Variants in QARS1 observed in about 807,000 individuals in gnomAD.
QARS1 encodes glutaminyl-tRNA synthetase 1.
QARS1 carries 79 observed loss-of-function variants against 106.9 expected under a neutral mutation model. The ratio of observed to expected loss-of-function variants is 0.74; its 90% CI spans 0.62 to 0.89. The LOEUF is 0.89. Ranked by LOEUF, QARS1 falls within the 40% of genes least tolerant of loss-of-function variation. The pLI, the probability that QARS1 is intolerant of heterozygous loss-of-function variation, is 0.00. For missense variants in QARS1, 966 were observed against 997.2 expected, an observed-to-expected ratio of 0.97 and a Z score of 0.42; for synonymous variants, 395 against 367.7, an observed-to-expected ratio of 1.07 and a Z score of -0.85.
intron 17 of QARS1, 35 bp downstream of exon 17, chr3:49,099,309 C>A (rs2042435028): frequency 1.9e-6 from 3 of 1,614,078 alleles, no homozygotes; most frequent in African/African-American, 2.7e-5. Flanking sequence ...CCACACTCAA[C>A]CCCCAATGTA....
chr3:49,100,267 C>T lies in QARS1; in HGVS notation c.1087G>A (p.Glu363Lys). 6.2e-7 allele frequency: 1 copy of T among 1,614,254 alleles called. No homozygotes were observed. Among genetic ancestry groups the T allele is most frequent in the Non-Finnish European group, 8.5e-7 (1 of 1,180,048 alleles). Residue 363 changes from glutamate (E) to lysine (K), a missense_variant, in exon 13 of 24, where the codon GAG (glutamate) becomes AAG (lysine). Coordinates refer to ENST00000306125, the MANE Select transcript of QARS1 (RefSeq NM_005051.3). ...AGAGTATTATGGCCTTTGAGCTCCT[C>T]TCCTCGCTGGTGGCACACATAAGCC... is the stretch of plus-strand genomic sequence containing the variant. Reference protein sequence around the residue: ...GLAYVCHQRGEELKGHNTLPS... With the variant: ...GLAYVCHQRGKELKGHNTLPS...
rs930911319 is a variant in QARS1, at chr3:49,102,280, A to C, written c.571-15T>G. The stretch of plus-strand genomic sequence containing the variant: ...GCTTTTGCCACCTGAAAGAAGCCCC[A>C]GGTGCTTCAGAAAATGGCATCAAAT... On this transcript the variant is annotated splice_polypyrimidine_tract_variant and intron_variant, in intron 6 of 23. Transcript: ENST00000306125. The C allele has an allele frequency of 6.2e-7, 1 of 1,614,186 alleles. No homozygotes were observed. The highest frequency in any genetic ancestry group is 1.3e-5 in the African/African-American group (1 of 75,058).
At chr3:49,102,829 G>C (rs944534586) in intron 5 of QARS1, 3 of 363,716 alleles carry the variant, frequency 8.2e-6, no homozygotes, top group Non-Finnish European at 1.6e-5. Context: ...TTTTTGTAGA[G>C]ATGGGGTTTC....
intron 5 of QARS1, chr3:49,102,815 G>T: frequency 2.7e-6 from 1 of 373,144 alleles, no homozygotes; most frequent in Non-Finnish European, 5.2e-6. Flanking sequence ...GCTAATTTTT[G>T]TACTTTTTGT....
intron 7 of QARS1, 32 bp from the exon 8 acceptor site, chr3:49,101,931 T>C: frequency 6.3e-7 from 1 of 1,586,334 alleles, no homozygotes; most frequent in Non-Finnish European, 8.6e-7. Context: ...AAACTTGTCC[T>C]CTAGATACAT....
Position 49,100,173 on chromosome 3 carries a change from C to G in QARS1, c.1164+17G>C, listed in dbSNP as rs748849188. 1 of 1,614,204 alleles carries G rather than the reference C, an allele frequency of 6.2e-7. No homozygotes were observed. The highest frequency in any genetic ancestry group is 2.2e-5 in the East Asian group (1 of 44,892). On this transcript the variant is annotated intron_variant, in intron 13 of 23. Coordinates refer to ENST00000306125, the MANE Select transcript of QARS1 (RefSeq NM_005051.3). ...ACCTTGGCCCACCCAAACCCAGATGCTCCTCTAGGACCCCACCTCAAAGAG... is the reference window on the plus strand; with the variant it reads ...ACCTTGGCCCACCCAAACCCAGATGGTCCTCTAGGACCCCACCTCAAAGAG...
In QARS1 at chr3:49,099,968, C is replaced by T. The variant is rs753924453; in HGVS notation, c.1288G>A (p.Asp430Asn). The T allele has an allele frequency of 6.2e-7, 1 of 1,614,210 alleles. No homozygotes were observed. ...ACCCCATTCTACACCCACCATTTGT[C>T]CCCTGTGCGGTGGTGTGGTGTATAC... ...VKYTPHHRTG[D>N]KWCIYPTYDY... Residue 430 changes from aspartate to asparagine, a missense_variant, in exon 14 of 24, where the codon GAC becomes AAC. Coordinates refer to ENST00000306125, the MANE Select transcript of QARS1 (RefSeq NM_005051.3).
chr3:49,098,631 C>T lies in QARS1; in HGVS notation c.1925G>A (p.Gly642Asp). The change falls in exon 20 of 24, where the codon GGC becomes GAC. Residue 642 changes from glycine (G) to aspartate (D), a missense_variant. Physicochemically the swap from Gly to Asp is moderately conservative, Grantham distance 94. Coordinates refer to ENST00000306125, the MANE Select transcript of QARS1 (RefSeq NM_005051.3). ...WGQPVGLRHTGYVIELQHVVK... is the reference protein window; with the variant it reads ...WGQPVGLRHTDYVIELQHVVK... ...AACATGCTGCAGCTCAATGACGTAG[C>T]CTGTATGCCTCAGGCCCACAGGCTG... 3 of 1,611,874 alleles carry T rather than the reference C, an allele frequency of 1.9e-6. No individual in the cohort carries two copies. Among genetic ancestry groups the T allele is most frequent in the East Asian group, 2.2e-5 (1 of 44,846 alleles).
At chr3:49,104,289 T>C (rs769285670) in intron 2 of QARS1, 35 bp downstream of exon 2, 7 of 1,610,678 alleles carry the variant, frequency 4.3e-6, no homozygotes, top group East Asian at 2.2e-5. Flanking sequence ...AAGGGAGGCA[T>C]TGGTGCGAAC....
Position 49,104,369 on chromosome 3 carries a change from T to C in QARS1, c.220A>G (p.Ser74Gly). 6.2e-7 allele frequency: 1 copy of C among 1,614,166 alleles called. No individual in the cohort carries two copies. The highest frequency in any genetic ancestry group is 8.5e-7 in the Non-Finnish European group (1 of 1,180,020). Residue 74 changes from serine to glycine, a missense_variant, in exon 2 of 24, where the codon AGC (serine) becomes GGC (glycine). By Grantham distance (56) the Ser-to-Gly change is moderately conservative. Coordinates refer to ENST00000306125, the MANE Select transcript of QARS1 (RefSeq NM_005051.3). Reference sequence around the variant, plus strand: ...TGGATCTTCTTACTGGCTATGTAGCTTACAAGGAAGGAGAGACGCCGGGTA... The same window carrying C: ...TGGATCTTCTTACTGGCTATGTAGCCTACAAGGAAGGAGAGACGCCGGGTA... ...RDTRRLSFLV[S>G]YIASKKIHTE... is the part of the protein sequence containing the mutation.
chr3:49,100,070 A>G lies in QARS1; in HGVS notation c.1186T>C (p.Ser396Pro). ...ATCCGTAGTGTGGCCTCGCCCTCTG[A>G]AAACTTGCCCTTGCGCATTGCCTGA... ...LFEAMRKGKF[S>P]EGEATLRMKL... Residue 396 changes from serine to proline, a missense_variant, in exon 14 of 24, where the codon TCA becomes CCA. Ser to Pro is a moderately conservative substitution (Grantham distance 74). Transcript: ENST00000306125. 3 of 1,614,222 alleles carry G rather than the reference A, an allele frequency of 1.9e-6. No homozygotes were observed. Among genetic ancestry groups the G allele is most frequent in the Non-Finnish European group, 2.5e-6 (3 of 1,180,034 alleles).
At chr3:49,102,376 C>CCT in intron 6 of QARS1, 43 bp downstream of exon 6, 1 of 1,613,008 alleles carries the variant, frequency 6.2e-7, no homozygotes, top group Non-Finnish European at 8.5e-7. Context: ...TCTCACCATA[C>CCT]CTCACCTCAC....
At chr3:49,096,554 C>T (rs986987825) in intron 23 of QARS1, among the ~76,000 whole-genome samples, 5 of 152,036 alleles carry the variant, frequency 3.3e-5, no homozygotes, top group African/African-American at 1.2e-4. Flanking sequence ...AATCCCAGCA[C>T]TCTGGGAGGC....
intron 15 of QARS1, 23 bp from the exon 16 acceptor site, chr3:49,099,670 G>C (rs372240200): frequency 1.2e-6 from 2 of 1,612,786 alleles, no homozygotes; most frequent in Non-Finnish European, 1.7e-6. Context: ...AGTAGGGTTA[G>C]CACTGGCCAG....
At position 49,099,783 on chromosome 3, in the gene QARS1, AGAGT is replaced by A. The variant is rs747938605; in HGVS notation, c.1362_1365del (p.Leu455AlafsTer48). On this transcript the variant is annotated frameshift_variant, in exon 15 of 24. Transcript: ENST00000306125. LOFTEE classifies it high-confidence loss of function. ...CACCGGGCCTGGAATTCCTTGGTGC[AGAGT>A]GAGTGAGTGATGTGCTCGATGGAGT... The A allele has an allele frequency of 3.1e-6, 5 of 1,613,926 alleles. No homozygotes were observed. The highest frequency in any genetic ancestry group is 1.6e-4 in the Middle Eastern group (1 of 6,084).
intron 3 of QARS1, 78 bp from the exon 4 acceptor site, chr3:49,103,784 C>A: frequency 6.3e-7 from 1 of 1,594,674 alleles, no homozygotes; most frequent in Non-Finnish European, 8.6e-7. Context: ...CACTCTGGGT[C>A]TTCCTGAGGA....
Position 49,099,517 on chromosome 3 carries a change from C to T in QARS1, c.1519G>A (p.Ala507Thr), listed in dbSNP as rs2042438331. Reference sequence around the variant, plus strand: ...CCAAACAGCCGCACCTACCGCACAGCACCAGTTGCTACAAGCTGGAGGATC... The same window carrying T: ...CCAAACAGCCGCACCTACCGCACAGTACCAGTTGCTACAAGCTGGAGGATC... ...RKILQLVATGAVRDWDDPRLF... is the reference protein window; with the variant it reads ...RKILQLVATGTVRDWDDPRLF... The change falls in exon 16 of 24, where the codon GCT becomes ACT. Residue 507 changes from alanine to threonine, a missense_variant. Transcript: ENST00000306125. 2 of 1,614,108 alleles carry T rather than the reference C, an allele frequency of 1.2e-6. No individual in the cohort carries two copies. Among genetic ancestry groups the T allele is most frequent in the Non-Finnish European group, 1.7e-6 (2 of 1,180,050 alleles).
chr3:49,102,209 C>T lies in QARS1; in HGVS notation c.627G>A (p.Glu209=). 6.2e-7 allele frequency: 1 copy of T among 1,614,234 alleles called. No individual in the cohort carries two copies. Among genetic ancestry groups the T allele is most frequent in the Non-Finnish European group, 8.5e-7 (1 of 1,180,030 alleles). ...TDRRTAKDVV[E]NGETADQTLS... is the part of the protein sequence containing the mutation. Reference sequence around the variant, plus strand: ...CAGGAGTCTCAAGCTTCTCACCATTCTCCACCACATCCTTTGCCGTCCTCC... The same window carrying T: ...CAGGAGTCTCAAGCTTCTCACCATTTTCCACCACATCCTTTGCCGTCCTCC... Residue 209 remains glutamate, a synonymous_variant, in exon 7 of 24, where the codon GAG becomes GAA. Coordinates refer to ENST00000306125, the MANE Select transcript of QARS1 (RefSeq NM_005051.3).
Position 49,098,632 on chromosome 3 carries a change from C to T in QARS1, c.1924G>A (p.Gly642Ser). Residue 642 changes from glycine (G) to serine (S), a missense_variant, in exon 20 of 24, where the codon GGC becomes AGC. Gly to Ser is a moderately conservative substitution (Grantham distance 56). Coordinates refer to ENST00000306125, the MANE Select transcript of QARS1 (RefSeq NM_005051.3). ...ACATGCTGCAGCTCAATGACGTAGC[C>T]TGTATGCCTCAGGCCCACAGGCTGG... ...WGQPVGLRHT[G>S]YVIELQHVVK... 6.2e-7 allele frequency: 1 copy of T among 1,611,904 alleles called. No homozygotes were observed.
Sources: gnomAD v4.1 joint callset for allele counts (sites outside exome capture counted in the v4.1 genomes callset) on GRCh38, gnomAD v4.1.1 for gene constraint, MANE v1.5 for transcripts, NCBI Gene and HGNC (gene_info 2026-07-23, HGNC 2026-07-21) for gene names.